The following ZNF350 variants were observed in gnomAD, a reference collection of about 807,000 sequenced individuals.
The protein encoded by ZNF350 is zinc finger protein 350, also known as KRAB zinc finger protein ZFQR.
Under a neutral mutation model 13.1 loss-of-function variants are expected in ZNF350, and 5 were observed. The ratio of observed to expected loss-of-function variants is 0.38; its 90% CI spans 0.20 to 0.80. The LOEUF (loss-of-function observed/expected upper bound fraction) is 0.80, where lower values mean the gene tolerates loss of function less well. Among genes scored for constraint, ZNF350 ranks in the 30% least tolerant of loss-of-function variants. The probability of loss-of-function intolerance (pLI) is 0.43; values close to 1 mark genes in which losing one functional copy is unlikely to be tolerated. For missense variants in ZNF350, 534 were observed against 644.2 expected, an observed-to-expected ratio of 0.83 and a Z score of 1.85; for synonymous variants, 199 against 224.2, an observed-to-expected ratio of 0.89 and a Z score of 1.00.
In ZNF350 at chr19:51,964,583, C is replaced by T; in HGVS notation, c.*271G>A. 12 of 475,476 alleles carry T rather than the reference C, an allele frequency of 2.5e-5. No homozygotes were observed. The South Asian group carries it at 3.5e-4, about 14-fold the overall frequency. 29.5% of individuals were successfully genotyped at this position (475,476 alleles called of 1,614,324 possible). A position where few individuals can be genotyped will look rare whatever the true frequency, so the allele number is the denominator to read the frequency against. The stretch of plus-strand genomic sequence containing the variant: ...GCAACACTCCCGACACCAATTATCT[C>T]ATCTGTTTTAAAAATTCACAGTACT... On this transcript the variant is annotated 3_prime_UTR_variant, in exon 5 of 5. Coordinates refer to ENST00000243644, the MANE Select transcript of ZNF350 (RefSeq NM_021632.4).
At chr19:51,977,068 A>T (rs1246312132) in intron 1 of ZNF350, among the ~76,000 whole-genome samples, 1 of 152,214 alleles carries the variant, frequency 6.6e-6, no homozygotes, top group Non-Finnish European at 1.5e-5. Context: ...AGTTGCAGAA[A>T]CATCTGTACT....
chr19:51,977,186 C>T (rs1388580325), intron 1 of ZNF350, among the ~76,000 whole-genome samples: 1 of 152,108 alleles, frequency 6.6e-6, no homozygotes, highest in Non-Finnish European at 1.5e-5. Flanking sequence ...TCCATCAGGC[C>T]TGATCCAAAA....
chr19:51,986,633 ACCCCGGCGCTC>A (rs965569357), intron 1 of ZNF350, 126 bp downstream of exon 1: 1 of 152,510 alleles, frequency 6.6e-6, no homozygotes, highest in Non-Finnish European at 1.5e-5. Flanking sequence ...AAATGCCTAT[ACCCCGGCGCTC>A]CCCAGTCTTC....
At chr19:51,966,473 G>A (rs1467889516) in intron 4 of ZNF350, among the ~76,000 whole-genome samples, 10 of 143,528 alleles carry the variant, frequency 7.0e-5, no homozygotes, top group African/African-American at 1.5e-4. Flanking sequence ...TACTACAGAC[G>A]GGGTCTCACC....
chr19:51,966,414 G>A (rs1488357813), intron 4 of ZNF350, among the ~76,000 whole-genome samples, 200 bp from the exon 5 acceptor site: 3 of 151,478 alleles, frequency 2.0e-5, no homozygotes, highest in African/African-American at 7.3e-5. Context: ...CTCCCAAGTT[G>A]CTGGGATTAC....
At chr19:51,975,416 C>T (rs573820801) in intron 1 of ZNF350, among the ~76,000 whole-genome samples, 12 of 100,018 alleles carry the variant, frequency 1.2e-4, no homozygotes, top group African/African-American at 4.4e-4. Flanking sequence ...TCAAAAAGAG[C>T]GAAACCTCGT....
rs545156047 is a variant in ZNF350 at position 51,975,748 on chromosome 19, T to C, written c.-171-1217A>G. ...AACATCTGGGGTTTATTTTATTTTA[T>C]TTTAATTTTTGAGATGGAGTCTCAC... On this transcript the variant is annotated intron_variant, in intron 1 of 4. Transcript: ENST00000243644. Among the ~76,000 whole-genome samples, 222 of 152,350 alleles carry C rather than the reference T, an allele frequency of 1.5e-3. 1 individual carries two copies. The highest frequency in any genetic ancestry group is 3.9e-3 in the Admixed American group (60 of 15,304).
chr19:51,982,320 T>G (rs1022781537), intron 1 of ZNF350, among the ~76,000 whole-genome samples: 1 of 151,944 alleles, frequency 6.6e-6, no homozygotes, highest in East Asian at 1.9e-4. Context: ...TTGTTCCCTT[T>G]TGACTTTAAA....
In ZNF350 at chr19:51,986,784, G is replaced by C. The variant is rs2086166434; in HGVS notation, c.-186C>G. On this transcript the variant is annotated 5_prime_UTR_variant, in exon 1 of 5. It adds an upstream start codon to the 5' untranslated region. Transcript: ENST00000243644. ...CACACACTGACCTCTATTTTCTCCA[G>C]ATACACAAGAAGGGCCTCAACGTTA... The C allele has an allele frequency of 6.6e-6, 1 of 152,162 alleles. No homozygotes were observed. Among genetic ancestry groups the C allele is most frequent in the African/African-American group, 2.4e-5 (1 of 41,402 alleles). 9.4% of individuals were successfully genotyped at this position (152,162 alleles called of 1,614,324 possible).
chr19:51,975,812 C>T (rs2085877492), intron 1 of ZNF350, among the ~76,000 whole-genome samples: 1 of 151,386 alleles, frequency 6.6e-6, no homozygotes, highest in Admixed American at 6.6e-5. Context: ...GTGATCTCGG[C>T]CTCCCGGGTT....
chr19:51,979,775 G>A (rs1185314365), intron 1 of ZNF350, among the ~76,000 whole-genome samples: 1 of 152,188 alleles, frequency 6.6e-6, no homozygotes, highest in African/African-American at 2.4e-5. Context: ...CAATTAGATG[G>A]AAAAGGTGAA....
rs950796121 is a variant in ZNF350 at position 51,976,005 on chromosome 19, TGAA to T, written c.-171-1477_-171-1475del. On this transcript the variant is annotated intron_variant, in intron 1 of 4. Coordinates refer to ENST00000243644, the MANE Select transcript of ZNF350 (RefSeq NM_021632.4). This position sits in a 1 kb window ranked among gnomAD's most constrained non-coding sequence, Gnocchi z 4.5. ...GCAAACTCATGACTGCTCCGGCTGA[TGAA>T]GGTTTGCTGGAGGCAATCACTCCCT... Among the ~76,000 whole-genome samples the T allele has an allele frequency of 2.1e-4, 32 of 152,240 alleles. No homozygotes were observed. Among genetic ancestry groups the T allele is most frequent in the African/African-American group, 3.9e-4 (16 of 41,468 alleles).
chr19:51,965,743 C>T lies in ZNF350; in HGVS notation c.710G>A (p.Ser237Asn). ...MHTGEKPHRC[S>N]LCEKAFSRKF... Reference sequence around the variant, plus strand: ...TCTGGAGAAGGCTTTCTCACATAGACTACATCTGTGGGGTTTCTCTCCTGT... The same window carrying T: ...TCTGGAGAAGGCTTTCTCACATAGATTACATCTGTGGGGTTTCTCTCCTGT... The change falls in exon 5 of 5, where the codon AGT (serine) becomes AAT (asparagine). Residue 237 changes from serine to asparagine, a missense_variant. Physicochemically the swap from Ser to Asn is conservative, Grantham distance 46. Coordinates refer to ENST00000243644, the MANE Select transcript of ZNF350 (RefSeq NM_021632.4). The T allele has an allele frequency of 1.9e-6, 3 of 1,613,918 alleles. No homozygotes were observed. The highest frequency in any genetic ancestry group is 1.7e-6 in the Non-Finnish European group (2 of 1,179,866).
At chr19:51,966,472 C>CTACAAAACAT (rs2085578129) in intron 4 of ZNF350, among the ~76,000 whole-genome samples, 1 of 151,482 alleles carries the variant, frequency 6.6e-6, no homozygotes, top group Non-Finnish European at 1.5e-5. Flanking sequence ...TTACTACAGA[C>CTACAAAACAT]GGGGTCTCAC....
At chr19:51,982,065 A>G (rs1468448274) in intron 1 of ZNF350, 1 of 150,516 alleles carries the variant, frequency 6.6e-6, no homozygotes, top group East Asian at 1.9e-4. Context: ...ATTAAAAACT[A>G]AAAAAAAAAT....
chr19:51,981,382 G>A (rs541178694), intron 1 of ZNF350: 1 of 151,890 alleles, frequency 6.6e-6, no homozygotes, highest in African/African-American at 2.4e-5. Context: ...TTTGTCTCCT[G>A]TCTTTATTCC....
intron 1 of ZNF350, chr19:51,982,049 G>GA (rs943579825): frequency 6.6e-6 from 1 of 151,606 alleles, no homozygotes; most frequent in Non-Finnish European, 1.5e-5. Flanking sequence ...AAAGAAAAAA[G>GA]AAAAAATTAA....
rs753346746 is a variant in ZNF350 at position 51,965,035 on chromosome 19, A to G, written c.1418T>C (p.Leu473Ser). The change falls in exon 5 of 5, where the codon TTA (leucine) becomes TCA (serine). Residue 473 changes from leucine to serine, a missense_variant. Leu to Ser is a moderately radical substitution (Grantham distance 145). Coordinates refer to ENST00000243644, the MANE Select transcript of ZNF350 (RefSeq NM_021632.4). Reference protein sequence around the residue: ...QVPSVAPQTSLNISGLLANRN... With the variant: ...QVPSVAPQTSSNISGLLANRN... ...GTTTGCGAGGAGGCCGCTGATGTTT[A>G]ATGATGTCTGAGGGGCCACAGAAGG... 6.2e-7 allele frequency: 1 copy of G among 1,614,180 alleles called. No homozygotes were observed. The highest frequency in any genetic ancestry group is 8.5e-7 in the Non-Finnish European group (1 of 1,180,022).
rs1363486798 is a variant in ZNF350, at chr19:51,964,952, T to C, written c.1501A>G (p.Arg501Gly). Residue 501 changes from arginine (R) to glycine (G), a missense_variant, in exon 5 of 5, where the codon AGA (arginine) becomes GGA (glycine). Transcript: ENST00000243644. ...AGGTTTCTGTCCTGTGCAAATCCTC[T>C]GTTATCTCCTGAGGCTGCACATCTG... ...VVRCAASGDN[R>G]GFAQDRNLVN... is the part of the protein sequence containing the mutation. 1.2e-6 allele frequency: 2 copies of C among 1,614,206 alleles called. No individual in the cohort carries two copies. The highest frequency in any genetic ancestry group is 1.3e-5 in the African/African-American group (1 of 75,060).
Sources: allele counts gnomAD v4.1 joint callset (sites outside exome capture counted in the v4.1 genomes callset), GRCh38; gene constraint gnomAD v4.1.1; non-coding constraint Gnocchi (gnomAD v3.1); transcripts MANE v1.5; gene names NCBI Gene and HGNC (gene_info 2026-07-23, HGNC 2026-07-21).